Variants in SUSD4 observed in about 807,000 individuals in gnomAD.
SUSD4 encodes sushi domain-containing protein 4.
A neutral mutation model predicts 50.5 loss-of-function variants in SUSD4; 41 were observed. The observed-to-expected ratio is 0.81, with a 90% confidence interval of 0.63 to 1.05. The LOEUF (loss-of-function observed/expected upper bound fraction) is 1.05. SUSD4 is among the 50% of genes least tolerant of loss of function. The probability of loss-of-function intolerance (pLI) is 0.00; values close to 1 mark genes in which losing one functional copy is unlikely to be tolerated. For missense variants in SUSD4, 580 were observed against 634.7 expected, an observed-to-expected ratio of 0.91 and a Z score of 0.93; for synonymous variants, 257 against 257.3, an observed-to-expected ratio of 1.00 and a Z score of 0.01.
intron 2 of SUSD4, among the ~76,000 whole-genome samples, chr1:223,295,932 G>A (rs1200599321): frequency 6.6e-6 from 1 of 152,110 alleles, no homozygotes; most frequent in African/African-American, 2.4e-5. Context: ...CCATGTGAAG[G>A]ACTGATGGCT....
chr1:223,337,380 TGAAC>T (rs1388815576), intron 2 of SUSD4, among the ~76,000 whole-genome samples: 29 of 152,252 alleles, frequency 1.9e-4, no homozygotes, highest in African/African-American at 7.0e-4. Context: ...AATGAATGAA[TGAAC>T]GGCACTTTAT....
chr1:223,223,729 C>A, intron 7 of SUSD4, 98 bp from the exon 8 acceptor site: 1 of 1,377,986 alleles, frequency 7.3e-7, no homozygotes, highest in Non-Finnish European at 9.6e-7. Flanking sequence ...TCAGGACCCA[C>A]GATGGGCAGC....
In SUSD4 at chr1:223,268,013, TTATATATATATA is replaced by T. The variant is rs59885860; in HGVS notation, c.535+477_535+488del. On this transcript the variant is annotated intron_variant, in intron 4 of 8. Coordinates refer to ENST00000366878, the MANE Select transcript of SUSD4 (RefSeq NM_017982.4). ...AATTTTTCTGCTCTTCATGCATTTTTTATATATATATATATATATATATATATATACACACAC... is the reference window on the plus strand; with the variant it reads ...AATTTTTCTGCTCTTCATGCATTTTTTATATATATATATATATACACACAC... Among the ~76,000 whole-genome samples, 13 of 53,346 alleles carry T rather than the reference TTATATATATATA, an allele frequency of 2.4e-4. No homozygotes were observed. The East Asian group carries it at 9.1e-3, about 37-fold the overall frequency. 35.0% of individuals were successfully genotyped at this position (53,346 alleles called of 152,430 possible).
At chr1:223,243,686 C>T (rs1350873812) in intron 5 of SUSD4, among the ~76,000 whole-genome samples, 2 of 152,346 alleles carry the variant, frequency 1.3e-5, no homozygotes, top group East Asian at 3.9e-4. Context: ...TACATCCAGG[C>T]CCCCATCGGC....
At position 223,227,620 on chromosome 1, in the gene SUSD4, G is replaced by C. The variant is rs370359208; in HGVS notation, c.1035C>G (p.Thr345=). The part of the protein sequence containing the change: ...LLVILARMFQ[T]KFKAHFPPRG... The stretch of plus-strand genomic sequence containing the variant: ...TGGGGGGAAAGTGGGCCTTGAACTT[G>C]GTCTGGAACATCCTGGCCAGGATGA... The change falls in exon 7 of 9, where the codon ACC becomes ACG. Residue 345 remains threonine (T), a synonymous_variant. Transcript: ENST00000366878. This position sits in a 1 kb window ranked among gnomAD's most constrained non-coding sequence, Gnocchi z 4.5. 6.8e-6 allele frequency: 11 copies of C among 1,613,790 alleles called. No individual in the cohort carries two copies. The African/African-American group carries it at 1.3e-4, about 20-fold the overall frequency.
chr1:223,348,998 G>A (rs1372525284), intron 2 of SUSD4, among the ~76,000 whole-genome samples: 1 of 151,996 alleles, frequency 6.6e-6, no homozygotes, highest in Non-Finnish European at 1.5e-5. Flanking sequence ...AGCAGAGAGG[G>A]GCAAGCAAGG....
chr1:223,320,045 C>T (rs763533036), intron 2 of SUSD4, among the ~76,000 whole-genome samples: 66 of 152,234 alleles, frequency 4.3e-4, no homozygotes, highest in Non-Finnish European at 1.6e-4. Context: ...ATTAGAAGTG[C>T]TCCTAAGAGC....
intron 2 of SUSD4, among the ~76,000 whole-genome samples, chr1:223,344,499 G>A (rs1470156786): frequency 6.6e-6 from 1 of 152,006 alleles, no homozygotes; most frequent in Non-Finnish European, 1.5e-5. Context: ...GTAGCTAAGG[G>A]AAGAGCCACT....
chr1:223,222,035 C>T lies in SUSD4; in HGVS notation c.*157G>A, dbSNP rs1160272789. On this transcript the variant is annotated 3_prime_UTR_variant, in exon 9 of 9. Transcript: ENST00000366878. ...AAGCACTGCCATTGCAGTTTGTCAG[C>T]CTCACTGTGGAGCCTGAGATGCATA... 1.5e-6 allele frequency: 1 copy of T among 687,434 alleles called. No homozygotes were observed. Among genetic ancestry groups the T allele is most frequent in the East Asian group, 2.7e-5 (1 of 37,492 alleles). The allele number at this position is 687,434 out of a possible 1,614,324, so 42.6% of individuals were successfully genotyped here.
intron 2 of SUSD4, among the ~76,000 whole-genome samples, chr1:223,360,570 C>T (rs1032616067): frequency 3.9e-5 from 6 of 152,166 alleles, no homozygotes; most frequent in Admixed American, 6.5e-5. Flanking sequence ...CTTTCTAAGA[C>T]AAAGCATTTC....
intron 2 of SUSD4, among the ~76,000 whole-genome samples, chr1:223,301,232 A>C (rs372981909): frequency 6.6e-6 from 1 of 152,242 alleles, no homozygotes; most frequent in African/African-American, 2.4e-5. Context: ...TAATGATTCA[A>C]TAGAATACAA....
intron 5 of SUSD4, among the ~76,000 whole-genome samples, chr1:223,263,304 C>T (rs1054728097): frequency 9.9e-5 from 15 of 151,974 alleles, no homozygotes; most frequent in Non-Finnish European, 1.9e-4. Context: ...GAGGCTAGGG[C>T]GACCAGATTT....
At position 223,227,320 on chromosome 1, in the gene SUSD4, T is replaced by C. The variant is rs185188251; in HGVS notation, c.1061+274A>G. ...TCTGGGTGGAGCAGTCCACAGCCTG[T>C]AGCCCTAACTCTGTGATCCCATCGC... On this transcript the variant is annotated intron_variant, in intron 7 of 8. Transcript: ENST00000366878. This position sits in a 1 kb window ranked among gnomAD's most constrained non-coding sequence, Gnocchi z 4.5. Among the ~76,000 whole-genome samples, 878 of 152,226 alleles carry C rather than the reference T, an allele frequency of 5.8e-3. 8 individuals are homozygous for C. The highest frequency in any genetic ancestry group is 0.02 in the African/African-American group (835 of 41,536).
chr1:223,227,450 C>T lies in SUSD4; in HGVS notation c.1061+144G>A, dbSNP rs1366882584. The T allele has an allele frequency of 8.6e-7, 1 of 1,164,676 alleles. No individual in the cohort carries two copies. The highest frequency in any genetic ancestry group is 1.2e-6 in the Non-Finnish European group (1 of 841,714). 72.1% of individuals were successfully genotyped at this position (1,164,676 alleles called of 1,614,324 possible). ...TGAGGTCTGTCTCCAGCTTTGTGCT[C>T]AAAACATCCCAGAACATTGTTTTTG... On this transcript the variant is annotated intron_variant, in intron 7 of 8. Coordinates refer to ENST00000366878, the MANE Select transcript of SUSD4 (RefSeq NM_017982.4). This position sits in a 1 kb window ranked among gnomAD's most constrained non-coding sequence, Gnocchi z 4.5.
chr1:223,363,840 A>T (rs1190058877), intron 1 of SUSD4: 3 of 161,506 alleles, frequency 1.9e-5, no homozygotes, highest in African/African-American at 7.2e-5. Flanking sequence ...CACTCTGGGA[A>T]TCTCACAATG....
At position 223,229,306 on chromosome 1, in the gene SUSD4, C is replaced by T; in HGVS notation, c.807G>A (p.Val269=). ...RPCERYNHGT[V]VEFYCDPGYS... ...AGCCAGGATCGCAGTAAAACTCCAC[C>T]ACAGTTCCGTGGTTGTAGCGCTCAC... Residue 269 remains valine, a synonymous_variant, in exon 6 of 9, where the codon GTG becomes GTA. Transcript: ENST00000366878. This position sits in a 1 kb window ranked among gnomAD's most constrained non-coding sequence, Gnocchi z 4.7. 1.2e-6 allele frequency: 2 copies of T among 1,613,104 alleles called. No individual in the cohort carries two copies. Among genetic ancestry groups the T allele is most frequent in the Non-Finnish European group, 1.7e-6 (2 of 1,179,212 alleles).
At chr1:223,254,463 A>G (rs1661549034) in intron 5 of SUSD4, among the ~76,000 whole-genome samples, 1 of 152,216 alleles carries the variant, frequency 6.6e-6, no homozygotes. Context: ...AAAGGAAGGC[A>G]AGGTGCTGAG....
intron 5 of SUSD4, chr1:223,263,584 G>C (rs1662272620): frequency 1.1e-5 from 11 of 985,216 alleles, no homozygotes; most frequent in African/African-American, 3.5e-5. Flanking sequence ...AAACCAATGG[G>C]AAGGGCTGGC....
intron 2 of SUSD4, among the ~76,000 whole-genome samples, chr1:223,356,568 G>C (rs891999190): frequency 6.6e-6 from 1 of 152,058 alleles, no homozygotes; most frequent in East Asian, 1.9e-4. Context: ...GAGCCACCGT[G>C]CCTGGCCAGA....
Sources: gnomAD v4.1 joint callset for allele counts (sites outside exome capture counted in the v4.1 genomes callset) on GRCh38, gnomAD v4.1.1 for gene constraint, Gnocchi (gnomAD v3.1) non-coding constraint, MANE v1.5 for transcripts, NCBI Gene and HGNC (gene_info 2026-07-23, HGNC 2026-07-21) for gene names.